The following LARGE1 variants were observed in gnomAD, a reference collection of about 807,000 sequenced individuals.
LARGE1 encodes the protein xylosyl- and glucuronyltransferase LARGE1.
LARGE1 carries 43 observed loss-of-function variants against 87.6 expected under a neutral mutation model. The ratio of observed to expected loss-of-function variants is 0.49; its 90% CI spans 0.38 to 0.63. The LOEUF is 0.63. LARGE1 is among the 30% of genes least tolerant of loss of function. The pLI is 0.00. For missense variants in LARGE1, 802 were observed against 1,000.2 expected, an observed-to-expected ratio of 0.80 and a Z score of 2.67; for synonymous variants, 434 against 394.6, an observed-to-expected ratio of 1.10 and a Z score of -1.18.
intron 11 of LARGE1, among the ~76,000 whole-genome samples, chr22:33,182,124 G>T (rs1045751276): frequency 5.9e-5 from 9 of 152,084 alleles, no homozygotes; most frequent in Non-Finnish European, 1.3e-4. Flanking sequence ...ACCCAACAGG[G>T]TATATTACTT....
intron 7 of LARGE1, among the ~76,000 whole-genome samples, chr22:33,405,997 A>C (rs16992276): frequency 0.12 from 18,645 of 152,198 alleles, 2,055 homozygotes; most frequent in African/African-American, 0.3. Flanking sequence ...CCATTAACAC[A>C]TACATTTCCT....
chr22:33,443,343 T>A (rs958366315), intron 6 of LARGE1, among the ~76,000 whole-genome samples: 1 of 152,158 alleles, frequency 6.6e-6, no homozygotes, highest in African/African-American at 2.4e-5. Flanking sequence ...ACAGCGGGCA[T>A]CACCATGGGG....
chr22:33,423,151 C>T (rs2066754991), intron 7 of LARGE1, among the ~76,000 whole-genome samples: 1 of 152,002 alleles, frequency 6.6e-6, no homozygotes, highest in South Asian at 2.1e-4. Flanking sequence ...AAACCCCACT[C>T]ATGAAATGCC....
intron 2 of LARGE1, among the ~76,000 whole-genome samples, chr22:33,650,954 G>C (rs1424719647): frequency 6.6e-6 from 1 of 151,812 alleles, no homozygotes; most frequent in South Asian, 2.1e-4. Flanking sequence ...CTCCCTACTT[G>C]GCATGTTTCT....
In LARGE1 at chr22:33,259,502, G is replaced by A. The variant is rs183265674; in HGVS notation, c.1730+44727C>T. 9.5e-4 allele frequency among the ~76,000 whole-genome samples: 145 copies of A among 151,872 alleles called. 1 individual carries two copies. The East Asian group carries it at 0.024, about 25-fold the overall frequency. On this transcript the variant is annotated intron_variant, in intron 11 of 11. Coordinates refer to the LARGE1 transcript ENST00000608642. ...AGCCTGATTTGTATGTGCACAGTAC[G>A]CGTGTGTGCATGGACACACACACAC...
chr22:33,851,034 T>C (rs959455602), intron 1 of LARGE1, among the ~76,000 whole-genome samples: 8 of 152,216 alleles, frequency 5.3e-5, no homozygotes, highest in East Asian at 1.9e-4. Context: ...ACCTGGCTTA[T>C]GGGTGAAACA....
chr22:33,771,722 C>T (rs989421212), intron 1 of LARGE1, among the ~76,000 whole-genome samples: 2 of 152,160 alleles, frequency 1.3e-5, no homozygotes, highest in Non-Finnish European at 1.5e-5. Context: ...TGACCTTCTT[C>T]CTATATACCC....
At chr22:33,689,207 ATG>A (rs916510387) in intron 2 of LARGE1, among the ~76,000 whole-genome samples, 2 of 151,188 alleles carry the variant, frequency 1.3e-5, no homozygotes, top group African/African-American at 4.9e-5. Context: ...GTGTACACAC[ATG>A]TGTGTCAGGC....
chr22:33,642,709 G>GA (rs2080477002), intron 3 of LARGE1, among the ~76,000 whole-genome samples: 1 of 11,176 alleles, frequency 8.9e-5, no homozygotes, highest in African/African-American at 5.3e-4. Flanking sequence ...CAAATGGAAA[G>GA]CAAAAAAAAA....
chr22:33,434,629 T>A (rs535027802), intron 6 of LARGE1, among the ~76,000 whole-genome samples: 152 of 152,120 alleles, frequency 1.0e-3, no homozygotes, highest in African/African-American at 3.6e-3. Context: ...ATTTAGGGGG[T>A]CCATCTAAAT....
At chr22:33,384,147 C>G (rs748367510) in intron 8 of LARGE1, 45 bp downstream of exon 8, 1 of 1,315,926 alleles carries the variant, frequency 7.6e-7, no homozygotes, top group Admixed American at 1.7e-5. Flanking sequence ...GAAACAGCAC[C>G]AAGCACACTC....
At chr22:33,914,965 A>G (rs191471692) in intron 1 of LARGE1, among the ~76,000 whole-genome samples, 13 of 151,802 alleles carry the variant, frequency 8.6e-5, no homozygotes, top group African/African-American at 3.1e-4. Flanking sequence ...CTGTCTCCCA[A>G]TCAACATAGG....
At chr22:33,147,361 CA>C in the LARGE1 span, among the ~76,000 whole-genome samples, 1 of 151,940 alleles carries the variant, frequency 6.6e-6, no homozygotes, top group African/African-American at 2.4e-5. Context: ...TTTATACCAC[CA>C]ACAAGAATAT....
the LARGE1 span, among the ~76,000 whole-genome samples, chr22:33,092,618 C>T: frequency 6.6e-6 from 1 of 151,932 alleles, no homozygotes; most frequent in Admixed American, 6.6e-5. Context: ...TCTCCCTCCC[C>T]CTACCCCACC....
chr22:33,852,297 T>C lies in LARGE1; in HGVS notation c.-83+67698A>G, dbSNP rs534433854. 3.7e-4 allele frequency among the ~76,000 whole-genome samples: 57 copies of C among 152,150 alleles called. 1 individual carries two copies. Among genetic ancestry groups the C allele is most frequent in the South Asian group, 2.5e-3 (12 of 4,820 alleles). On this transcript the variant is annotated intron_variant, in intron 1 of 14. Transcript: ENST00000397394. ...CTCTGAGCTGAGAAACTGAAACCGATGCTCCCAGATGAAGTTTTTTTTTTC... is the reference window on the plus strand; with the variant it reads ...CTCTGAGCTGAGAAACTGAAACCGACGCTCCCAGATGAAGTTTTTTTTTTC...
intron 11 of LARGE1, among the ~76,000 whole-genome samples, chr22:33,266,199 C>T (rs926558160): frequency 2.0e-5 from 3 of 147,290 alleles, no homozygotes; most frequent in Non-Finnish European, 4.5e-5. Context: ...GCCACGTGGG[C>T]CTAGGTCTGA....
intron 9 of LARGE1, among the ~76,000 whole-genome samples, chr22:33,349,223 C>G (rs757886403): frequency 3.9e-5 from 6 of 152,190 alleles, no homozygotes; most frequent in Non-Finnish European, 5.9e-5. Flanking sequence ...TCCTGGGAAT[C>G]CAGCTTGTAG....
At chr22:33,389,792 CCGCGA>C (rs1289575561) in intron 7 of LARGE1, among the ~76,000 whole-genome samples, 1 of 152,120 alleles carries the variant, frequency 6.6e-6, no homozygotes, top group Non-Finnish European at 1.5e-5. Flanking sequence ...TTGCAGTGAG[CCGCGA>C]CTGCATCACT....
rs1011816898 is a variant in LARGE1, at chr22:33,459,893, C to T, written c.788-27628G>A. The stretch of plus-strand genomic sequence containing the variant: ...CACCCAAGAACAATGCTGGCAAGTT[C>T]CTGCTCTGTAAGCTGGTCCATAGTG... On this transcript the variant is annotated intron_variant, in intron 6 of 14. Coordinates refer to ENST00000397394, the MANE Select transcript of LARGE1 (RefSeq NM_133642.5). Among the ~76,000 whole-genome samples, 61 of 152,162 alleles carry T rather than the reference C, an allele frequency of 4.0e-4. 1 individual carries two copies. The highest frequency in any genetic ancestry group is 1.2e-3 in the African/African-American group (51 of 41,442).
Sources: gnomAD v4.1 joint callset for allele counts (sites outside exome capture counted in the v4.1 genomes callset) on GRCh38, gnomAD v4.1.1 for gene constraint, MANE v1.5 for transcripts, NCBI Gene and HGNC (gene_info 2026-07-23, HGNC 2026-07-21) for gene names.